OSBPL5: variants seen among roughly 807,000 people sequenced by gnomAD.
The protein encoded by OSBPL5 is oxysterol-binding protein-related protein 5.
In OSBPL5, 71 loss-of-function variants were observed where a neutral mutation model predicts 111.2. That is an observed-to-expected ratio of 0.64 (90% CI 0.53 to 0.78). OSBPL5 has a LOEUF of 0.78. Among genes scored for constraint, OSBPL5 ranks in the 30% least tolerant of loss-of-function variants. OSBPL5 has a pLI of 0.00. For synonymous variants in OSBPL5, 549 were observed against 513.9 expected (o/e 1.07, Z -0.93); for missense variants, 1,210 against 1,189.3 (o/e 1.02, Z -0.26).
chr11:3,155,205 A>G (rs1394915740), intron 1 of OSBPL5, among the ~76,000 whole-genome samples: 1 of 152,212 alleles, frequency 6.6e-6, no homozygotes, highest in African/African-American at 2.4e-5. Context: ...AAGCTCACAC[A>G]CCGGCCCAGG....
intron 2 of OSBPL5, among the ~76,000 whole-genome samples, chr11:3,127,265 C>A (rs1334060845): frequency 1.3e-5 from 2 of 152,216 alleles, no homozygotes; most frequent in African/African-American, 4.8e-5. Context: ...CTGCCCCGGT[C>A]CCTGACACTG....
intron 7 of OSBPL5, among the ~76,000 whole-genome samples, chr11:3,112,044 CGCAT>C (rs1270060877): frequency 1.1e-5 from 1 of 92,350 alleles, no homozygotes; most frequent in African/African-American, 3.3e-5. Flanking sequence ...TATGTGTGCG[CGCAT>C]GTGTGTGCAT....
intron 7 of OSBPL5, among the ~76,000 whole-genome samples, chr11:3,111,621 G>C (rs1181750783): frequency 6.6e-6 from 1 of 152,022 alleles, no homozygotes; most frequent in South Asian, 2.1e-4. Context: ...GATCAAATCT[G>C]AAGGAAGTTC....
At position 3,162,511 on chromosome 11, in the gene OSBPL5, C is replaced by A. The variant is rs1176131970; in HGVS notation, c.-22+2705G>T. On this transcript the variant is annotated intron_variant, in intron 1 of 21. Coordinates refer to ENST00000263650, the MANE Select transcript of OSBPL5 (RefSeq NM_020896.4). This position sits in a 1 kb window ranked among gnomAD's most constrained non-coding sequence, Gnocchi z 8.1. ...AATCTCACATCCTCGTGGACATGAT[C>A]CCAGAGGCCCTGGCTCAGAACAACT... is the stretch of plus-strand genomic sequence containing the variant. 6.6e-6 allele frequency among the ~76,000 whole-genome samples: 1 copy of A among 151,868 alleles called. No homozygotes were observed. The highest frequency in any genetic ancestry group is 1.5e-5 in the Non-Finnish European group (1 of 67,992).
At chr11:3,138,964 G>A (rs1404002433) in intron 1 of OSBPL5, among the ~76,000 whole-genome samples, 3 of 152,256 alleles carry the variant, frequency 2.0e-5, no homozygotes, top group Non-Finnish European at 4.4e-5. Flanking sequence ...AAGAGGACGC[G>A]GCTGCTGTGG....
intron 2 of OSBPL5, among the ~76,000 whole-genome samples, chr11:3,128,748 A>T (rs1858721128): frequency 6.6e-6 from 1 of 152,026 alleles, no homozygotes; most frequent in Non-Finnish European, 1.5e-5. Flanking sequence ...TGACTTTGGG[A>T]TGACTGCACT....
At chr11:3,089,771 C>G in intron 21 of OSBPL5, 75 bp downstream of exon 21, 10 of 1,423,924 alleles carry the variant, frequency 7.0e-6, no homozygotes, top group Non-Finnish European at 9.7e-6. Flanking sequence ...GCCTCCCCAC[C>G]TCCCGCCCTA....
At chr11:3,089,646 G>A (rs375276861) in intron 21 of OSBPL5, among the ~76,000 whole-genome samples, 200 bp downstream of exon 21, 4 of 152,124 alleles carry the variant, frequency 2.6e-5, no homozygotes, top group East Asian at 3.9e-4. Flanking sequence ...TGATCATCCC[G>A]CACCACCTGC....
At chr11:3,124,115 A>G (rs1046864616) in intron 3 of OSBPL5, among the ~76,000 whole-genome samples, 14 of 152,184 alleles carry the variant, frequency 9.2e-5, no homozygotes, top group Non-Finnish European at 1.5e-4. Flanking sequence ...AGCTCAGGTC[A>G]TCGTTGTTAT....
At chr11:3,143,595 C>T (rs558818333) in intron 1 of OSBPL5, among the ~76,000 whole-genome samples, 1 of 152,364 alleles carries the variant, frequency 6.6e-6, no homozygotes, top group South Asian at 2.1e-4. Flanking sequence ...GTCAAAGAAG[C>T]CAGATACCAA....
intron 1 of OSBPL5, among the ~76,000 whole-genome samples, chr11:3,143,008 A>G (rs77477411): frequency 0.043 from 2,371 of 54,714 alleles, 32 homozygotes; most frequent in Middle Eastern, 0.097. Context: ...GCAGGTGCAG[A>G]GGGGGGCAGA....
chr11:3,164,744 C>T (rs1400464532), intron 1 of OSBPL5, among the ~76,000 whole-genome samples: 1 of 152,224 alleles, frequency 6.6e-6, no homozygotes, highest in East Asian at 1.9e-4. Context: ...AGACTCAGAT[C>T]CCAGACCCCC....
intron 1 of OSBPL5, among the ~76,000 whole-genome samples, chr11:3,145,326 C>T (rs2134523438): frequency 6.6e-6 from 1 of 152,348 alleles, no homozygotes; most frequent in South Asian, 2.1e-4. Flanking sequence ...GCTGTGCCAC[C>T]TCAGCAGGGC....
intron 14 of OSBPL5, among the ~76,000 whole-genome samples, chr11:3,098,065 A>G (rs1857333890): frequency 6.6e-6 from 1 of 152,054 alleles, no homozygotes; most frequent in Non-Finnish European, 1.5e-5. Context: ...TGAAACCCCA[A>G]CTTCGTCTCA....
intron 3 of OSBPL5, among the ~76,000 whole-genome samples, chr11:3,123,903 G>A (rs901005572): frequency 3.9e-5 from 6 of 152,210 alleles, no homozygotes; most frequent in Non-Finnish European, 7.3e-5. Flanking sequence ...GCATGGAACC[G>A]TTCCACGGAC....
intron 1 of OSBPL5, among the ~76,000 whole-genome samples, chr11:3,163,382 C>G (rs1409224649): frequency 6.6e-6 from 1 of 152,156 alleles, no homozygotes; most frequent in Admixed American, 6.5e-5. Context: ...CCCTTCCACC[C>G]GCCGGCTTGT....
chr11:3,119,933 C>A, intron 6 of OSBPL5: 1 of 455,564 alleles, frequency 2.2e-6, no homozygotes. Flanking sequence ...CAATGATGTT[C>A]GAATCCCAGA....
At position 3,092,987 on chromosome 11, in the gene OSBPL5, A is replaced by C. The variant is rs760948923; in HGVS notation, c.2012T>G (p.Phe671Cys). Reference protein sequence around the residue: ...GDQHRATQEKFALEEAQRQRA... With the variant: ...GDQHRATQEKCALEEAQRQRA... ...CTGCCGCTGTGCCTCCTCCAGTGCAAACTTCTCCTGTGTGGCCCTGTGCTG... is the reference window on the plus strand; with the variant it reads ...CTGCCGCTGTGCCTCCTCCAGTGCACACTTCTCCTGTGTGGCCCTGTGCTG... The change falls in exon 18 of 22, where the codon TTT (phenylalanine) becomes TGT (cysteine). Residue 671 changes from phenylalanine to cysteine, a missense_variant. Phe to Cys is a radical substitution (Grantham distance 205, BLOSUM62 -2). Transcript: ENST00000263650. The surrounding 1 kb of genome is among the most constrained non-coding windows in gnomAD (Gnocchi z 5.4). 19 of 1,605,720 alleles carry C rather than the reference A, an allele frequency of 1.2e-5. No individual in the cohort carries two copies. The highest frequency in any genetic ancestry group is 1.6e-5 in the Non-Finnish European group (19 of 1,177,710).
At position 3,146,711 on chromosome 11, in the gene OSBPL5, G is replaced by C. The variant is rs1416061297; in HGVS notation, c.-21-17542C>G. On this transcript the variant is annotated intron_variant, in intron 1 of 21. Coordinates refer to ENST00000263650, the MANE Select transcript of OSBPL5 (RefSeq NM_020896.4). The surrounding 1 kb of genome is among the most constrained non-coding windows in gnomAD (Gnocchi z 7.8). ...TCCAGGCTGCAGGCTTCTCTCTGGG[G>C]AGGGGGACAATCCTGGGGCCCCTCT... The C allele has an allele frequency of 6.6e-6, 1 of 152,262 alleles. No individual in the cohort carries two copies. Among genetic ancestry groups the C allele is most frequent in the Non-Finnish European group, 1.5e-5 (1 of 68,202 alleles). 9.4% of individuals were successfully genotyped at this position (152,262 alleles called of 1,614,324 possible). A position where few individuals can be genotyped will look rare whatever the true frequency, so the allele number is the denominator to read the frequency against.
Sources: allele counts gnomAD v4.1 joint callset (sites outside exome capture counted in the v4.1 genomes callset), GRCh38; gene constraint gnomAD v4.1.1; non-coding constraint Gnocchi (gnomAD v3.1); transcripts MANE v1.5; gene names NCBI Gene and HGNC (gene_info 2026-07-23, HGNC 2026-07-21).